STK11IP: variants seen among roughly 807,000 people sequenced by gnomAD.
STK11IP encodes serine/threonine kinase 11 interacting protein.
In STK11IP, 103 loss-of-function variants were observed where a neutral mutation model predicts 131.7. That is an observed-to-expected ratio of 0.78 (90% CI 0.67 to 0.92). STK11IP has a LOEUF of 0.92. Ranked by LOEUF, STK11IP falls within the 40% of genes least tolerant of loss-of-function variation. STK11IP has a pLI of 0.00. For missense variants in STK11IP, 1,315 were observed against 1,385.7 expected, an observed-to-expected ratio of 0.95 and a Z score of 0.81; for synonymous variants, 557 against 575.6, an observed-to-expected ratio of 0.97 and a Z score of 0.46.
chr2:219,615,950 G>T, intron 24 of STK11IP, 94 bp from the exon 25 acceptor site: 3 of 1,518,176 alleles, frequency 2.0e-6, no homozygotes, highest in Non-Finnish European at 2.7e-6. Context: ...ACTGAGCCAA[G>T]GTGGAGACAG....
chr2:219,600,053 GTTTTTGTTTTT>G (rs1697933845), intron 2 of STK11IP, among the ~76,000 whole-genome samples: 2 of 101,570 alleles, frequency 2.0e-5, no homozygotes, highest in Non-Finnish European at 3.9e-5. Flanking sequence ...TTTTTTTTTT[GTTTTTGTTTTT>G]TTTTTTTTTT....
chr2:219,602,774 A>T lies in STK11IP; in HGVS notation c.616A>T (p.Met206Leu), dbSNP rs1698032764. Reference protein sequence around the residue: ...NQVQDCQGFLMDLCELHHLDI... With the variant: ...NQVQDCQGFLLDLCELHHLDI... ...AGTCCAGGACTGTCAGGGATTCCTGATGGTGAGTATGGGCAGTTTGGCAGC... is the reference window on the plus strand; with the variant it reads ...AGTCCAGGACTGTCAGGGATTCCTGTTGGTGAGTATGGGCAGTTTGGCAGC... The change falls in exon 7 of 25, where the codon ATG becomes TTG. Residue 206 changes from methionine (M) to leucine (L), a missense_variant and splice_region_variant. Met to Leu is a conservative substitution (Grantham distance 15, BLOSUM62 2). Transcript: ENST00000456909. 1.2e-6 allele frequency: 2 copies of T among 1,610,554 alleles called. No individual in the cohort carries two copies. Among genetic ancestry groups the T allele is most frequent in the Non-Finnish European group, 1.7e-6 (2 of 1,178,338 alleles).
chr2:219,612,976 A>G (rs1433694894), intron 19 of STK11IP, 152 bp from the exon 20 acceptor site: 2 of 614,344 alleles, frequency 3.3e-6, no homozygotes, highest in African/African-American at 1.8e-5. Context: ...GTGGATGAAG[A>G]GGCTGTCGAG....
chr2:219,598,031 C>G, intron 1 of STK11IP, 63 bp from the exon 2 acceptor site: 1 of 1,566,316 alleles, frequency 6.4e-7, no homozygotes, highest in Non-Finnish European at 8.7e-7. Context: ...TTTGCGCGGA[C>G]GCCCTGGGCT....
rs563541948 is a variant in STK11IP, at chr2:219,605,627, A to G, written c.638A>G (p.His213Arg). The G allele has an allele frequency of 5.2e-6, 8 of 1,552,192 alleles. No homozygotes were observed. In the South Asian group the frequency reaches 7.1e-5, roughly 14 times the overall value. ...GFLMDLCELH[H>R]LDISYNRLHL... ...TGCCAGGATTTGTGTGAGCTCCACC[A>G]TCTGGACATCTCCTATAATCGCCTG... The change falls in exon 8 of 25, where the codon CAT becomes CGT. Residue 213 changes from histidine to arginine, a missense_variant. Physicochemically the swap from His to Arg is conservative, Grantham distance 29 (BLOSUM62 0). Coordinates refer to ENST00000456909, the MANE Select transcript of STK11IP (RefSeq NM_052902.4).
chr2:219,598,314 T>G (rs1574608394), intron 2 of STK11IP, 134 bp downstream of exon 2: 2 of 653,198 alleles, frequency 3.1e-6, no homozygotes, highest in African/African-American at 3.8e-5. Context: ...ATTTCTTTAC[T>G]TTTCCCAGGT....
chr2:219,612,892 G>T (rs1042057281), intron 19 of STK11IP, among the ~76,000 whole-genome samples: 5 of 152,206 alleles, frequency 3.3e-5, no homozygotes, highest in Admixed American at 2.6e-4. Context: ...GAGCGTGGAG[G>T]GGGTGAGGCG....
intron 2 of STK11IP, among the ~76,000 whole-genome samples, chr2:219,600,059 GTTTTTTTTTTTTTTTTT>G (rs57060581): frequency 1.1e-5 from 1 of 91,700 alleles, no homozygotes; most frequent in Non-Finnish European, 2.1e-5. Context: ...TTTTGTTTTT[GTTTTTTTTTTTTTTTTT>G]TTTTGAGATG....
intron 24 of STK11IP, chr2:219,615,746 C>T: frequency 1.5e-6 from 1 of 659,994 alleles, no homozygotes; most frequent in Non-Finnish European, 2.9e-6. Context: ...CCAGTTTGCC[C>T]AGTCCAAAGT....
Position 219,606,801 on chromosome 2 carries a change from G to A in STK11IP, c.1077G>A (p.Leu359=). 1 of 1,613,772 alleles carries A rather than the reference G, an allele frequency of 6.2e-7. No individual in the cohort carries two copies. The highest frequency in any genetic ancestry group is 1.3e-5 in the African/African-American group (1 of 75,056). Residue 359 remains leucine, a synonymous_variant, in exon 12 of 25, where the codon CTG becomes CTA. Coordinates refer to ENST00000456909, the MANE Select transcript of STK11IP (RefSeq NM_052902.4). ...STPETSGGPD[L]SDSLSSGGVV... Reference sequence around the variant, plus strand: ...CTGAAACCTCAGGTGGCCCTGACCTGAGTGACAGCCTCTCCTCAGGGGGTG... The same window carrying A: ...CTGAAACCTCAGGTGGCCCTGACCTAAGTGACAGCCTCTCCTCAGGGGGTG...
Position 219,601,622 on chromosome 2 carries a change from G to GTTTTTTT in STK11IP, c.268-10_268-4dup. On this transcript the variant is annotated intron_variant, in intron 3 of 24. Transcript: ENST00000456909. Reference sequence around the variant, plus strand: ...GATCTGCTGTGCCTCAGTAAATTGAGTTTTTTTTTTTTTTTCAGCTGGTCC... The same window carrying GTTTTTTT: ...GATCTGCTGTGCCTCAGTAAATTGAGTTTTTTTTTTTTTTTTTTTTTTCAGCTGGTCC... 4.0e-6 allele frequency: 6 copies of GTTTTTTT among 1,491,008 alleles called. No individual in the cohort carries two copies. Among genetic ancestry groups the GTTTTTTT allele is most frequent in the Admixed American group, 2.2e-5 (1 of 45,600 alleles). 92.4% of individuals were successfully genotyped at this position (1,491,008 alleles called of 1,614,324 possible).
At chr2:219,614,626 GT>G in intron 23 of STK11IP, 80 bp downstream of exon 23, 1 of 1,403,420 alleles carries the variant, frequency 7.1e-7, no homozygotes, top group Non-Finnish European at 1.0e-6. Context: ...CGCAGCACCT[GT>G]ACAGTGCCCT....
chr2:219,607,343 A>C (rs1470637696), intron 13 of STK11IP, among the ~76,000 whole-genome samples: 1 of 152,126 alleles, frequency 6.6e-6, no homozygotes, highest in Non-Finnish European at 1.5e-5. Context: ...TTCGAGGAAC[A>C]TTAATTTTGT....
chr2:219,610,873 A>G (rs372522187), intron 17 of STK11IP, among the ~76,000 whole-genome samples: 3 of 152,202 alleles, frequency 2.0e-5, no homozygotes, highest in African/African-American at 4.8e-5. Context: ...CCCCAGCTGT[A>G]TGGTCCTGGG....
intron 7 of STK11IP, among the ~76,000 whole-genome samples, chr2:219,605,110 A>G (rs1386306393): frequency 6.6e-6 from 1 of 152,228 alleles, no homozygotes; most frequent in Admixed American, 6.5e-5. Flanking sequence ...GATTACAGGC[A>G]TGAGCCACTG....
intron 21 of STK11IP, 53 bp downstream of exon 21, chr2:219,613,983 T>C: frequency 6.6e-7 from 1 of 1,511,068 alleles, no homozygotes; most frequent in South Asian, 1.3e-5. Flanking sequence ...GGGCAGGGCC[T>C]TGGGGCCAGG....
In STK11IP at chr2:219,613,235, A is replaced by AGGGGAGATGCGGTGAGTGAGT. The variant is rs1559187253; in HGVS notation, c.2537+20_2537+21insGGTGAGTGAGTGGGGAGATGC. The AGGGGAGATGCGGTGAGTGAGT allele has an allele frequency of 4.9e-6, 6 of 1,219,218 alleles. No homozygotes were observed. Among genetic ancestry groups the AGGGGAGATGCGGTGAGTGAGT allele is most frequent in the Middle Eastern group, 2.3e-4 (1 of 4,436 alleles). 75.5% of individuals were successfully genotyped at this position (1,219,218 alleles called of 1,614,324 possible). A position where few individuals can be genotyped will look rare whatever the true frequency, so the allele number is the denominator to read the frequency against. ...TGACTGGGGAGATGCGGTGAGTGAG[A>AGGGGAGATGCGGTGAGTGAGT]GGGGAGATGCAGTGAGTAAGGGGGG... is the stretch of plus-strand genomic sequence containing the variant. On this transcript the variant is annotated intron_variant, in intron 20 of 24. Coordinates refer to ENST00000456909, the MANE Select transcript of STK11IP (RefSeq NM_052902.4).
chr2:219,607,148 T>C lies in STK11IP; in HGVS notation c.1219+11T>C. On this transcript the variant is annotated intron_variant, in intron 13 of 24. Coordinates refer to ENST00000456909, the MANE Select transcript of STK11IP (RefSeq NM_052902.4). Reference sequence around the variant, plus strand: ...ACCCCTCTCCGGCTGGTAAGTCAGCTTCATCCCACTAACCTCTCTCGTCCC... The same window carrying C: ...ACCCCTCTCCGGCTGGTAAGTCAGCCTCATCCCACTAACCTCTCTCGTCCC... 6.2e-7 allele frequency: 1 copy of C among 1,613,450 alleles called. No individual in the cohort carries two copies. Among genetic ancestry groups the C allele is most frequent in the Non-Finnish European group, 8.5e-7 (1 of 1,179,500 alleles).
intron 23 of STK11IP, 192 bp from the exon 24 acceptor site, chr2:219,614,902 C>T (rs1465921309): frequency 1.2e-5 from 8 of 686,204 alleles, no homozygotes; most frequent in Middle Eastern, 4.1e-4. Context: ...GGCGGTAGGC[C>T]TCAGAGGTAT....
Sources: gnomAD v4.1 joint callset for allele counts (sites outside exome capture counted in the v4.1 genomes callset) on GRCh38, gnomAD v4.1.1 for gene constraint, MANE v1.5 for transcripts, NCBI Gene and HGNC (gene_info 2026-07-23, HGNC 2026-07-21) for gene names.